The following STRN3 variants were observed in gnomAD, a reference collection of about 807,000 sequenced individuals.
STRN3 encodes striatin-3.
Under a neutral mutation model 95.6 loss-of-function variants are expected in STRN3, and 29 were observed. That is an observed-to-expected ratio of 0.30 (90% confidence interval 0.23 to 0.41). STRN3 has a LOEUF of 0.41. STRN3 is among the 10% of genes least tolerant of loss of function. The probability of loss-of-function intolerance (pLI) is 1.00; values close to 1 mark genes in which losing one functional copy is unlikely to be tolerated. For synonymous variants in STRN3, 331 were observed against 357.6 expected, an observed-to-expected ratio of 0.93 and a Z score of 0.84; for missense variants, 890 against 972.1, an observed-to-expected ratio of 0.92 and a Z score of 1.12.
At chr14:31,012,835 A>G (rs1344427091) in intron 1 of STRN3, among the ~76,000 whole-genome samples, 3 of 151,798 alleles carry the variant, frequency 2.0e-5, no homozygotes, top group Non-Finnish European at 4.4e-5. Context: ...CAGAGGTTGC[A>G]GTGAGCTGAG....
At chr14:30,939,847 C>A (rs957380433) in intron 5 of STRN3, among the ~76,000 whole-genome samples, 2 of 152,120 alleles carry the variant, frequency 1.3e-5, no homozygotes, top group South Asian at 2.1e-4. Context: ...CCCTTACAGT[C>A]TCCATCCCAC....
chr14:30,899,712 T>C lies in STRN3; in HGVS notation c.2137+2824A>G, dbSNP rs74040905. On this transcript the variant is annotated intron_variant, in intron 16 of 17. Transcript: ENST00000357479. ...CCAACCAACCCCAAACACCTTTCCA[T>C]TCCTAAGGCAAAGCTTCATCTTGCA... Among the ~76,000 whole-genome samples, 965 of 152,098 alleles carry C rather than the reference T, an allele frequency of 6.3e-3. 8 individuals carry two copies. The highest frequency in any genetic ancestry group is 0.022 in the African/African-American group (897 of 41,490).
At chr14:30,973,467 C>G (rs958908749) in intron 1 of STRN3, among the ~76,000 whole-genome samples, 4 of 151,542 alleles carry the variant, frequency 2.6e-5, no homozygotes, top group African/African-American at 9.7e-5. Context: ...AATTAGTAAC[C>G]ACCAATTCTA....
intron 1 of STRN3, among the ~76,000 whole-genome samples, chr14:31,013,863 T>TTTATTA (rs548417882): frequency 0.024 from 1,945 of 80,830 alleles, 20 homozygotes; most frequent in Middle Eastern, 0.039. Context: ...TCAAAGCAAT[T>TTTATTA]TTATTATTAT....
chr14:30,901,663 T>A (rs1388891880), intron 16 of STRN3, among the ~76,000 whole-genome samples: 1 of 152,150 alleles, frequency 6.6e-6, no homozygotes, highest in Admixed American at 6.5e-5. Context: ...AGCTATCTAT[T>A]ATCTATTATT....
rs140589982 is a variant in STRN3, at chr14:30,998,273, A to C, written c.282+27631T>G. ...TCCATGGGCACTTTTGGTCAAAAAC[A>C]ATCAGAAACAACTGTCTAATATTGT... is the stretch of plus-strand genomic sequence containing the variant. On this transcript the variant is annotated intron_variant, in intron 1 of 17. Coordinates refer to ENST00000357479, the MANE Select transcript of STRN3 (RefSeq NM_001083893.2). 2.0e-5 allele frequency among the ~76,000 whole-genome samples: 3 copies of C among 152,346 alleles called. No homozygotes were observed. In the East Asian group the frequency reaches 5.8e-4, roughly 29 times the overall value.
At chr14:30,974,607 C>A (rs375812840) in intron 1 of STRN3, among the ~76,000 whole-genome samples, 215 of 120,548 alleles carry the variant, frequency 1.8e-3, no homozygotes, top group South Asian at 3.4e-3. Flanking sequence ...AGCATAACTA[C>A]AAAAAAAAAA....
intron 1 of STRN3, among the ~76,000 whole-genome samples, chr14:31,008,912 A>T (rs1015786365): frequency 1.3e-5 from 2 of 151,240 alleles, no homozygotes; most frequent in Admixed American, 6.6e-5. Flanking sequence ...AGTGACACAC[A>T]CCTATAGTCT....
At chr14:30,961,171 A>C (rs1420296861) in intron 1 of STRN3, among the ~76,000 whole-genome samples, 1 of 152,168 alleles carries the variant, frequency 6.6e-6, no homozygotes, top group Non-Finnish European at 1.5e-5. Context: ...TAGCCCTAAA[A>C]CTAAAAATGT....
In STRN3 at chr14:30,894,776, C is replaced by A; in HGVS notation, c.*635G>T. 1 of 224,522 alleles carries A rather than the reference C, an allele frequency of 4.5e-6. No homozygotes were observed. The allele number at this position is 224,522 out of a possible 1,614,324, so 13.9% of individuals were successfully genotyped here. A position where few individuals can be genotyped will look rare whatever the true frequency, so the allele number is the denominator to read the frequency against. ...TGTATAATGCAGAAAAACTTCAATA[C>A]AATCTTGAGCACTGTTGTGACAGGC... is the stretch of plus-strand genomic sequence containing the variant. On this transcript the variant is annotated 3_prime_UTR_variant, in exon 18 of 18. Transcript: ENST00000357479.
At chr14:30,973,981 T>C (rs554000021) in intron 1 of STRN3, among the ~76,000 whole-genome samples, 2 of 152,316 alleles carry the variant, frequency 1.3e-5, no homozygotes, top group South Asian at 2.1e-4. Flanking sequence ...AAAAGCCATA[T>C]ATGAAAAGCC....
intron 1 of STRN3, among the ~76,000 whole-genome samples, chr14:30,999,618 C>A (rs1445422639): frequency 6.6e-6 from 1 of 152,050 alleles, no homozygotes; most frequent in African/African-American, 2.4e-5. Context: ...TGAGATTAGC[C>A]AGTCTGAGAA....
At chr14:30,912,478 A>G (rs1896635658) in intron 10 of STRN3, among the ~76,000 whole-genome samples, 1 of 152,340 alleles carries the variant, frequency 6.6e-6, no homozygotes, top group South Asian at 2.1e-4. Flanking sequence ...ATGAGAACAA[A>G]ATAACTACCA....
At chr14:30,958,377 T>A (rs187244869) in intron 1 of STRN3, among the ~76,000 whole-genome samples, 13 of 152,280 alleles carry the variant, frequency 8.5e-5, no homozygotes, top group South Asian at 8.3e-4. Flanking sequence ...ATTTTAAAAA[T>A]TTTTAAAAAG....
In STRN3 at chr14:31,026,035, G is replaced by T; in HGVS notation, c.151C>A (p.Pro51Thr). The change falls in exon 1 of 18, where the codon CCC (proline) becomes ACC (threonine). Residue 51 changes from proline (P) to threonine (T), a missense_variant. Coordinates refer to ENST00000357479, the MANE Select transcript of STRN3 (RefSeq NM_001083893.2). ...GGPPASEGAG[P>T]AAGPELSRPQ... ...CGGGACAGCTCGGGGCCTGCCGCGG[G>T]ACCCGCTCCCTCGGAGGCCGGAGGA... 1 of 1,537,190 alleles carries T rather than the reference G, an allele frequency of 6.5e-7. No homozygotes were observed. The highest frequency in any genetic ancestry group is 8.8e-7 in the Non-Finnish European group (1 of 1,141,274).
intron 10 of STRN3, among the ~76,000 whole-genome samples, 188 bp downstream of exon 10, chr14:30,913,336 T>A (rs545568936): frequency 5.2e-4 from 78 of 148,914 alleles, no homozygotes; most frequent in Non-Finnish European, 9.6e-4. Flanking sequence ...CCAAAATACC[T>A]AAAAAAAAAA....
At chr14:30,929,418 G>C in intron 7 of STRN3, 107 bp from the exon 8 acceptor site, 1 of 831,926 alleles carries the variant, frequency 1.2e-6, no homozygotes. Flanking sequence ...TGTACTAATA[G>C]CATATACTCA....
At chr14:30,939,989 T>A (rs560231448) in intron 5 of STRN3, among the ~76,000 whole-genome samples, 1 of 152,096 alleles carries the variant, frequency 6.6e-6, no homozygotes, top group Non-Finnish European at 1.5e-5. Context: ...TCTACTTCCT[T>A]TCTTTTATAT....
chr14:30,983,334 G>A (rs896555002), intron 1 of STRN3, among the ~76,000 whole-genome samples: 7 of 152,276 alleles, frequency 4.6e-5, no homozygotes, highest in Middle Eastern at 3.4e-3. Context: ...CCTGAGGTCA[G>A]GAGTTCAAGA....
Sources: gnomAD v4.1 joint callset for allele counts (sites outside exome capture counted in the v4.1 genomes callset) on GRCh38, gnomAD v4.1.1 for gene constraint, MANE v1.5 for transcripts, NCBI Gene and HGNC (gene_info 2026-07-23, HGNC 2026-07-21) for gene names.